CD72: variants seen among roughly 807,000 people sequenced by gnomAD.
CD72 encodes the protein B-cell differentiation antigen CD72.
A neutral mutation model predicts 50.7 loss-of-function variants in CD72; 28 were observed. That is an observed-to-expected ratio of 0.55 (90% confidence interval 0.41 to 0.76). The LOEUF (loss-of-function observed/expected upper bound fraction) is 0.76, where lower values mean the gene tolerates loss of function less well. CD72 is among the 30% of genes least tolerant of loss of function. CD72 has a pLI of 0.00. For synonymous variants in CD72, 176 were observed against 171.2 expected (o/e 1.03, Z -0.22); for missense variants, 403 against 420.6 (o/e 0.96, Z 0.37).
chr9:35,610,381 C>A, intron 8 of CD72, 81 bp from the exon 9 acceptor site: 2 of 450,480 alleles, frequency 4.4e-6, no homozygotes, highest in Non-Finnish European at 8.0e-6. Context: ...CTCCTCAGCT[C>A]TCGACAGCCA....
chr9:35,614,804 C>T (rs888559076), intron 5 of CD72, among the ~76,000 whole-genome samples: 5 of 151,992 alleles, frequency 3.3e-5, no homozygotes, highest in Admixed American at 1.3e-4. Context: ...AGTTCGATAC[C>T]GGCCAGGGAA....
chr9:35,622,124 T>C (rs1022097367), upstream of CD72, among the ~76,000 whole-genome samples: 1 of 152,188 alleles, frequency 6.6e-6, no homozygotes, highest in African/African-American at 2.4e-5. Flanking sequence ...GTTTTCCATC[T>C]GTAAAATACA....
rs1015183167 is a variant in CD72 at position 35,641,188 on chromosome 9, G to C, written n.408+5215C>G. Among the ~76,000 whole-genome samples the C allele has an allele frequency of 1.1e-4, 17 of 152,266 alleles. No individual in the cohort carries two copies. The East Asian group carries it at 1.7e-3, about 16-fold the overall frequency. Reference sequence around the variant, plus strand: ...GGTTGCACAGTTGAGATTTCCTCGGGGGGGGTGCCTTCGATGTCATTAACA... The same window carrying C: ...GGTTGCACAGTTGAGATTTCCTCGGCGGGGGTGCCTTCGATGTCATTAACA... On this transcript the variant is annotated intron_variant and non_coding_transcript_variant, in intron 1 of 3. Coordinates refer to the CD72 transcript ENST00000465754.
chr9:35,633,719 CTT>C (rs750412780), intron 1 of CD72, among the ~76,000 whole-genome samples: 3 of 152,112 alleles, frequency 2.0e-5, no homozygotes, highest in Non-Finnish European at 4.4e-5. Flanking sequence ...TTAAATTTCT[CTT>C]GTTTGATATC....
intron 5 of CD72, 22 bp downstream of exon 5, chr9:35,615,921 C>G (rs769411291): frequency 1.9e-6 from 3 of 1,589,818 alleles, no homozygotes; most frequent in Non-Finnish European, 2.6e-6. Flanking sequence ...CCTCCCTTCT[C>G]TCCTCTCCCC....
chr9:35,626,597 A>G (rs898371441), intron 1 of CD72, among the ~76,000 whole-genome samples: 10 of 152,336 alleles, frequency 6.6e-5, no homozygotes, highest in East Asian at 3.9e-4. Flanking sequence ...AAAAGAATCA[A>G]TGTGGCAAAC....
At chr9:35,615,756 CT>C (rs1823053887) in intron 5 of CD72, among the ~76,000 whole-genome samples, 186 bp downstream of exon 5, 1 of 147,044 alleles carries the variant, frequency 6.8e-6, no homozygotes, top group African/African-American at 2.5e-5. Flanking sequence ...GTGGGTCCCC[CT>C]AAATCTAGTA....
At chr9:35,613,931 G>A (rs1053999779) in intron 5 of CD72, among the ~76,000 whole-genome samples, 14 of 152,030 alleles carry the variant, frequency 9.2e-5, no homozygotes, top group Non-Finnish European at 2.1e-4. Context: ...CTTGAATCCA[G>A]GAGGCAGAGG....
chr9:35,646,031 G>T (rs543683147), intron 1 of CD72, among the ~76,000 whole-genome samples: 1 of 151,758 alleles, frequency 6.6e-6, no homozygotes, highest in Admixed American at 6.6e-5. Flanking sequence ...GTGTTGGCGG[G>T]CGTCTGTATT....
At chr9:35,623,464 CTTTT>C (rs917556995), upstream of CD72, among the ~76,000 whole-genome samples, 4 of 151,376 alleles carry the variant, frequency 2.6e-5, no homozygotes, top group Non-Finnish European at 5.9e-5. Context: ...ACCTATAGCC[CTTTT>C]TTTTTGTTTT....
At chr9:35,614,118 G>T (rs1464527609) in intron 5 of CD72, among the ~76,000 whole-genome samples, 1 of 152,156 alleles carries the variant, frequency 6.6e-6, no homozygotes, top group East Asian at 1.9e-4. Context: ...CCATGTTAAG[G>T]ATTTTTATTT....
upstream of CD72, among the ~76,000 whole-genome samples, chr9:35,620,234 G>A (rs140383815): frequency 6.6e-6 from 1 of 152,182 alleles, no homozygotes; most frequent in East Asian, 1.9e-4. Context: ...CAGGTAAAAT[G>A]CCAAAACCAA....
chr9:35,624,546 C>T (rs1823177587), intron 1 of CD72, among the ~76,000 whole-genome samples: 1 of 152,156 alleles, frequency 6.6e-6, no homozygotes, highest in South Asian at 2.1e-4. Flanking sequence ...ATTACCCTGG[C>T]AGAGGTGACT....
upstream of CD72, among the ~76,000 whole-genome samples, chr9:35,619,908 C>T (rs1018953006): frequency 1.3e-5 from 2 of 152,142 alleles, no homozygotes; most frequent in African/African-American, 4.8e-5. Context: ...TCCTAAGGTG[C>T]CTCTGCAGCT....
At chr9:35,625,032 C>G (rs1823183499) in intron 1 of CD72, among the ~76,000 whole-genome samples, 2 of 152,100 alleles carry the variant, frequency 1.3e-5, no homozygotes, top group Admixed American at 6.6e-5. Context: ...GTTAATAACC[C>G]TACAATGGTC....
intron 1 of CD72, among the ~76,000 whole-genome samples, chr9:35,636,660 G>T (rs1823292575): frequency 6.6e-6 from 1 of 152,186 alleles, no homozygotes; most frequent in Non-Finnish European, 1.5e-5. Flanking sequence ...AATTTCTTAA[G>T]AACTTTCTGG....
intron 1 of CD72, among the ~76,000 whole-genome samples, chr9:35,638,827 T>C (rs1375401140): frequency 6.6e-6 from 1 of 151,758 alleles, no homozygotes; most frequent in Non-Finnish European, 1.5e-5. Flanking sequence ...TCCCCAGGTA[T>C]AGCTAGGCGA....
intron 8 of CD72, 50 bp downstream of exon 8, chr9:35,610,552 T>C: frequency 8.8e-7 from 1 of 1,136,568 alleles, no homozygotes; most frequent in Non-Finnish European, 1.2e-6. Context: ...CTGCTCTGAG[T>C]CCCTCTGCCC....
chr9:35,613,591 C>A (rs762125732), intron 5 of CD72, among the ~76,000 whole-genome samples: 1 of 152,164 alleles, frequency 6.6e-6, no homozygotes, highest in Non-Finnish European at 1.5e-5. Context: ...ATCAGTCCTA[C>A]CTTCATCACT....
Sources: allele counts gnomAD v4.1 joint callset (sites outside exome capture counted in the v4.1 genomes callset), GRCh38; gene constraint gnomAD v4.1.1; transcripts MANE v1.5; gene names NCBI Gene and HGNC (gene_info 2026-07-23, HGNC 2026-07-21).